The following PCDH15 variants were observed in gnomAD, a reference collection of about 807,000 sequenced individuals.
The protein encoded by PCDH15 is protocadherin-15.
A neutral mutation model predicts 178.5 loss-of-function variants in PCDH15; 129 were observed. That is an observed-to-expected ratio of 0.72 (90% CI 0.63 to 0.84). PCDH15 has a LOEUF of 0.84. Among genes scored for constraint, PCDH15 ranks in the 40% least tolerant of loss-of-function variants. PCDH15 has a pLI of 0.00. For synonymous variants in PCDH15, 800 were observed against 732.0 expected, an observed-to-expected ratio of 1.09 and a Z score of -1.50; for missense variants, 2,230 against 2,099.9, an observed-to-expected ratio of 1.06 and a Z score of -1.21.
At chr10:55,161,892 T>G (rs1839075409) in intron 2 of PCDH15, among the ~76,000 whole-genome samples, 3 of 152,256 alleles carry the variant, frequency 2.0e-5, no homozygotes, top group South Asian at 4.1e-4. Flanking sequence ...TTCAACCCTG[T>G]GAATGCGCTT....
At chr10:55,419,228 T>C (rs563389879) in intron 2 of PCDH15, among the ~76,000 whole-genome samples, 3 of 151,744 alleles carry the variant, frequency 2.0e-5, no homozygotes, top group Non-Finnish European at 4.4e-5. Context: ...GTAGAAACTG[T>C]TGAAGGACCA....
At chr10:53,876,201 T>G (rs934101552) in intron 26 of PCDH15, among the ~76,000 whole-genome samples, 2 of 85,092 alleles carry the variant, frequency 2.4e-5, no homozygotes, top group African/African-American at 6.8e-5. Context: ...TTTTTTTGTT[T>G]TTTTTTTGAC....
intron 3 of PCDH15, among the ~76,000 whole-genome samples, chr10:54,841,701 GA>G (rs1241023702): frequency 3.3e-5 from 5 of 151,454 alleles, no homozygotes; most frequent in Admixed American, 6.6e-5. Context: ...AATTTTAACT[GA>G]AAAAAATTTA....
At chr10:54,773,682 T>C (rs1205228897) in intron 1 of PCDH15, among the ~76,000 whole-genome samples, 1 of 152,194 alleles carries the variant, frequency 6.6e-6, no homozygotes, top group Non-Finnish European at 1.5e-5. Flanking sequence ...ATGAATATGT[T>C]AAACCATTAC....
chr10:54,666,786 T>G (rs2094579226), intron 1 of PCDH15, among the ~76,000 whole-genome samples: 1 of 152,028 alleles, frequency 6.6e-6, no homozygotes, highest in Admixed American at 6.6e-5. Context: ...CATAGTTGTG[T>G]TCCTGTGTGG....
Position 54,703,253 on chromosome 10 carries a change from A to G in PCDH15, c.-28-38963T>C, listed in dbSNP as rs186059744. Among the ~76,000 whole-genome samples, 212 of 152,222 alleles carry G rather than the reference A, an allele frequency of 1.4e-3. 1 individual carries two copies. Among genetic ancestry groups the G allele is most frequent in the African/African-American group, 4.5e-3 (188 of 41,548 alleles). On this transcript the variant is annotated intron_variant, in intron 1 of 37. Coordinates refer to ENST00000644397, the MANE Select transcript of PCDH15 (RefSeq NM_001384140.1). ...CAAAATAGTAAGAGCCGTCTATGAC[A>G]AACCCACCGGAAATATCATACTGAA...
intron 1 of PCDH15, among the ~76,000 whole-genome samples, chr10:54,676,696 C>T (rs2094796111): frequency 1.3e-5 from 2 of 152,116 alleles, no homozygotes; most frequent in South Asian, 2.1e-4. Context: ...TTAATTACTG[C>T]TCATAAAGCA....
chr10:54,243,183 T>C lies in PCDH15; in HGVS notation c.877-6252A>G, dbSNP rs769232426. On this transcript the variant is annotated intron_variant, in intron 8 of 37. Coordinates refer to ENST00000644397, the MANE Select transcript of PCDH15 (RefSeq NM_001384140.1). ...TCAATATCTATTAAAGTCATTAATA[T>C]TTAATTTGTACACTTCCTTTAACAA... Among the ~76,000 whole-genome samples the C allele has an allele frequency of 4.6e-5, 7 of 152,350 alleles. No individual in the cohort carries two copies. In the South Asian group the frequency reaches 1.2e-3, roughly 27 times the overall value.
chr10:54,493,483 A>C (rs1455695738), intron 3 of PCDH15, among the ~76,000 whole-genome samples: 7 of 152,112 alleles, frequency 4.6e-5, no homozygotes, highest in Admixed American at 4.6e-4. Flanking sequence ...AGAGATGGAT[A>C]CATCTATTTT....
chr10:54,275,444 C>T (rs966910), intron 8 of PCDH15, among the ~76,000 whole-genome samples: 68,455 of 151,560 alleles, frequency 0.45, 17,296 homozygotes, highest in Middle Eastern at 0.6. Context: ...TCACAACAAT[C>T]TAGATCCAGA....
At chr10:54,768,814 T>C (rs1350540188) in intron 1 of PCDH15, among the ~76,000 whole-genome samples, 1 of 152,108 alleles carries the variant, frequency 6.6e-6, no homozygotes, top group African/African-American at 2.4e-5. Context: ...TCCAAACCCA[T>C]GTCATGCCAC....
At chr10:55,394,661 G>C (rs1473556445) in intron 2 of PCDH15, among the ~76,000 whole-genome samples, 2 of 150,512 alleles carry the variant, frequency 1.3e-5, no homozygotes, top group Non-Finnish European at 3.0e-5. Flanking sequence ...TCCTCAACTT[G>C]TAAAACATCT....
At chr10:55,455,213 A>T (rs1395912877) in intron 2 of PCDH15, among the ~76,000 whole-genome samples, 1 of 152,084 alleles carries the variant, frequency 6.6e-6, no homozygotes, top group Admixed American at 6.5e-5. Flanking sequence ...GAGGATAGTA[A>T]CTCCAACCCA....
At chr10:54,728,653 A>G (rs1470566762) in intron 1 of PCDH15, among the ~76,000 whole-genome samples, 1 of 151,114 alleles carries the variant, frequency 6.6e-6, no homozygotes, top group Non-Finnish European at 1.5e-5. Context: ...CTATCTCTGT[A>G]GACAATGGGA....
rs72361686 is a variant in PCDH15, at chr10:54,062,227, C to CAAAAAAAAAAAAAAA, written c.2220+4515_2220+4529dup. On this transcript the variant is annotated intron_variant, in intron 18 of 37. Coordinates refer to ENST00000644397, the MANE Select transcript of PCDH15 (RefSeq NM_001384140.1). Reference sequence around the variant, plus strand: ...GGGTGACAAGAGTGAGATTCTGTCTCAAAAAAAAAAAAAAAAAAAAAAAAA... The same window carrying CAAAAAAAAAAAAAAA: ...GGGTGACAAGAGTGAGATTCTGTCTCAAAAAAAAAAAAAAAAAAAAAAAAAAAAAAAAAAAAAAAA... Among the ~76,000 whole-genome samples, 50 of 53,806 alleles carry CAAAAAAAAAAAAAAA rather than the reference C, an allele frequency of 9.3e-4. 1 individual carries two copies. Among genetic ancestry groups the CAAAAAAAAAAAAAAA allele is most frequent in the Non-Finnish European group, 1.3e-3 (39 of 30,740 alleles). The allele number at this position is 53,806 out of a possible 152,430, so 35.3% of individuals were successfully genotyped here.
intron 2 of PCDH15, among the ~76,000 whole-genome samples, chr10:55,338,610 A>G (rs1844463249): frequency 6.6e-6 from 1 of 152,132 alleles, no homozygotes; most frequent in Non-Finnish European, 1.5e-5. Flanking sequence ...TCTACTAAAA[A>G]TATAAAAACT....
At chr10:54,685,559 T>C (rs911593655) in intron 1 of PCDH15, among the ~76,000 whole-genome samples, 3 of 152,166 alleles carry the variant, frequency 2.0e-5, no homozygotes, top group Non-Finnish European at 4.4e-5. Flanking sequence ...ATTGTATATG[T>C]TGTACATTGT....
chr10:54,464,671 C>T (rs1181919158), intron 3 of PCDH15, among the ~76,000 whole-genome samples: 2 of 152,156 alleles, frequency 1.3e-5, no homozygotes, highest in African/African-American at 4.8e-5. Context: ...CCATGTAATT[C>T]ATTAATCTTT....
At chr10:55,582,836 T>C (rs1005684408) in intron 2 of PCDH15, among the ~76,000 whole-genome samples, 1 of 151,762 alleles carries the variant, frequency 6.6e-6, no homozygotes, top group Non-Finnish European at 1.5e-5. Context: ...TATTGATGAA[T>C]ATTTCACTAA....
Sources: allele counts gnomAD v4.1 joint callset (sites outside exome capture counted in the v4.1 genomes callset), GRCh38; gene constraint gnomAD v4.1.1; transcripts MANE v1.5; gene names NCBI Gene and HGNC (gene_info 2026-07-23, HGNC 2026-07-21).